The following ETFA variants were observed in gnomAD, a reference collection of about 807,000 sequenced individuals.
ETFA encodes electron transfer flavoprotein subunit alpha.
A neutral mutation model predicts 46.2 loss-of-function variants in ETFA; 22 were observed. The ratio of observed to expected loss-of-function variants is 0.48; its 90% CI spans 0.34 to 0.68. The LOEUF (loss-of-function observed/expected upper bound fraction) is 0.68, where lower values mean the gene tolerates loss of function less well. ETFA is among the 30% of genes least tolerant of loss of function. The pLI is 0.01. For synonymous variants in ETFA, 131 were observed against 139.9 expected (o/e 0.94, Z 0.45); for missense variants, 345 against 401.1 (o/e 0.86, Z 1.19).
At chr15:76,261,276 C>T in intron 9 of ETFA, 2 of 1,573,170 alleles carry the variant, frequency 1.3e-6, no homozygotes, top group Non-Finnish European at 8.7e-7. Context: ...GATCTTTTGG[C>T]TCCACTGTGA....
Position 76,262,075 on chromosome 15 carries a change from A to T in ETFA, c.816+12337T>A, listed in dbSNP as rs566819155. Among the ~76,000 whole-genome samples the T allele has an allele frequency of 2.0e-5, 3 of 152,342 alleles. No individual in the cohort carries two copies. The East Asian group carries it at 5.8e-4, about 29-fold the overall frequency. On this transcript the variant is annotated intron_variant, in intron 9 of 11. Transcript: ENST00000557943. ...CAGATAAGAAATTAGAGAAATAAAA[A>T]TTTTAAAAACAACTAAATGCAAATC...
chr15:76,217,748 C>A, intron 11 of ETFA: 1 of 390,184 alleles, frequency 2.6e-6, no homozygotes, highest in South Asian at 1.8e-5. Context: ...ATTACCCAGT[C>A]TTCCAAGGGG....
At chr15:76,287,649 CTG>C (rs1372809053) in intron 5 of ETFA, 195 bp downstream of exon 5, 18 of 521,768 alleles carry the variant, frequency 3.4e-5, no homozygotes, top group Non-Finnish European at 5.5e-5. Flanking sequence ...CAGGAAATCT[CTG>C]TGTTTGCGAT....
intron 9 of ETFA, among the ~76,000 whole-genome samples, chr15:76,235,506 A>G (rs2039113670): frequency 6.6e-6 from 1 of 152,234 alleles, no homozygotes; most frequent in Non-Finnish European, 1.5e-5. Context: ...CCTGTGGTAC[A>G]AATATTCTAA....
chr15:76,236,369 C>T (rs2039122442), intron 9 of ETFA, among the ~76,000 whole-genome samples: 1 of 152,146 alleles, frequency 6.6e-6, no homozygotes, highest in Admixed American at 6.5e-5. Context: ...ATAATGTAAT[C>T]TCAGGTCAGA....
chr15:76,244,453 A>G (rs1316679625), intron 9 of ETFA, among the ~76,000 whole-genome samples: 1 of 152,210 alleles, frequency 6.6e-6, no homozygotes, highest in Admixed American at 6.5e-5. Flanking sequence ...ATATTAATAT[A>G]TAGTTAAACG....
chr15:76,274,013 A>G (rs1265917627), intron 9 of ETFA: 1 of 208,480 alleles, frequency 4.8e-6, no homozygotes, highest in Non-Finnish European at 9.8e-6. Context: ...CACAGCTCCC[A>G]ATTTCAAAAT....
At chr15:76,273,672 C>T (rs1028870864) in intron 9 of ETFA, among the ~76,000 whole-genome samples, 1 of 151,826 alleles carries the variant, frequency 6.6e-6, no homozygotes, top group Non-Finnish European at 1.5e-5. Flanking sequence ...GAATAGAGCA[C>T]TGGGATGTAA....
At position 76,275,564 on chromosome 15, in the gene ETFA, T is replaced by A. The variant is rs1472621599; in HGVS notation, c.734-1070A>T. 2.0e-5 allele frequency among the ~76,000 whole-genome samples: 3 copies of A among 152,214 alleles called. No homozygotes were observed. In the East Asian group the frequency reaches 5.8e-4, roughly 29 times the overall value. The stretch of plus-strand genomic sequence containing the variant: ...TTTTCATCCACTATGACAATCTTTA[T>A]CTTTAATTGGTGCATTTACACTACT... On this transcript the variant is annotated intron_variant, in intron 8 of 11. Transcript: ENST00000557943.
At chr15:76,261,366 G>T in intron 9 of ETFA, 1 of 1,298,280 alleles carries the variant, frequency 7.7e-7, no homozygotes, top group Non-Finnish European at 1.1e-6. Context: ...ACCAGTACTG[G>T]CCCGTGTCAG....
intron 9 of ETFA, among the ~76,000 whole-genome samples, chr15:76,265,156 C>T (rs1017564489): frequency 1.3e-5 from 2 of 152,174 alleles, no homozygotes; most frequent in African/African-American, 4.8e-5. Flanking sequence ...AAAGAAGGTC[C>T]CCATGGGAGT....
chr15:76,228,678 C>A (rs1181550231), intron 10 of ETFA: 2 of 153,336 alleles, frequency 1.3e-5, no homozygotes, highest in Non-Finnish European at 2.9e-5. Context: ...AATAGCTCCT[C>A]ACAAGCTCAA....
intron 8 of ETFA, among the ~76,000 whole-genome samples, chr15:76,275,992 AC>A (rs2039587690): frequency 6.6e-6 from 1 of 152,172 alleles, no homozygotes; most frequent in Non-Finnish European, 1.5e-5. Context: ...TTAAACTGTT[AC>A]CTATTAGATC....
chr15:76,259,018 G>A (rs1429116876), intron 9 of ETFA: 2 of 1,607,240 alleles, frequency 1.2e-6, no homozygotes, highest in East Asian at 4.5e-5. Context: ...AGCCCTTGCT[G>A]CAGCAGCAAA....
chr15:76,262,620 C>T (rs965548993), intron 9 of ETFA, among the ~76,000 whole-genome samples: 1 of 151,712 alleles, frequency 6.6e-6, no homozygotes, highest in Non-Finnish European at 1.5e-5. Context: ...GTAGCTGGGA[C>T]TACAGGCGCC....
chr15:76,307,347 T>C (rs1428331566), intron 1 of ETFA, among the ~76,000 whole-genome samples: 1 of 152,196 alleles, frequency 6.6e-6, no homozygotes, highest in African/African-American at 2.4e-5. Flanking sequence ...GCCACACACA[T>C]AAGGATGAAA....
chr15:76,297,018 A>G (rs1371697457), intron 1 of ETFA, among the ~76,000 whole-genome samples: 1 of 152,190 alleles, frequency 6.6e-6, no homozygotes, highest in East Asian at 1.9e-4. Context: ...GGAAAATGGC[A>G]AAGAAAAGTG....
rs141435389 is a variant in ETFA, at chr15:76,218,328, C to T, written c.964-1731G>A. Among the ~76,000 whole-genome samples, 938 of 152,152 alleles carry T rather than the reference C, an allele frequency of 6.2e-3. 12 individuals carry two copies. Among genetic ancestry groups the T allele is most frequent in the African/African-American group, 0.022 (902 of 41,496 alleles). ...TGTTGCCCAGGCTGGAGTGCAATGG[C>T]GCAGTCTCAGCTCACTGCAAGCTCC... On this transcript the variant is annotated intron_variant, in intron 11 of 11. Coordinates refer to ENST00000557943, the MANE Select transcript of ETFA (RefSeq NM_000126.4).
At position 76,254,374 on chromosome 15, in the gene ETFA, C is replaced by T. The variant is rs76915335; in HGVS notation, c.816+20038G>A. 1.5e-3 allele frequency among the ~76,000 whole-genome samples: 232 copies of T among 152,280 alleles called. 4 individuals carry two copies. The East Asian group carries it at 0.04, about 26-fold the overall frequency. ...CCAGGCTAAGACTAAAAGAACTGAA[C>T]ATAAGGAGATTGAGTCTGGAATTTG... On this transcript the variant is annotated intron_variant, in intron 9 of 11. Transcript: ENST00000557943.
Sources: allele counts gnomAD v4.1 joint callset (sites outside exome capture counted in the v4.1 genomes callset), GRCh38; gene constraint gnomAD v4.1.1; transcripts MANE v1.5; gene names NCBI Gene and HGNC (gene_info 2026-07-23, HGNC 2026-07-21).